C17orf107: variants seen among roughly 807,000 people sequenced by gnomAD.
C17orf107 encodes the protein uncharacterized protein C17orf107.
C17orf107 carries 9 observed loss-of-function variants against 8.9 expected under a neutral mutation model. The observed-to-expected ratio is 1.02, with a 90% CI of 0.61 to 1.77. The LOEUF (loss-of-function observed/expected upper bound fraction) is 1.77, where lower values mean the gene tolerates loss of function less well. C17orf107 is among the 40% of genes most tolerant of loss of function. The pLI is 0.00. For synonymous variants in C17orf107, 139 were observed against 120.3 expected (o/e 1.16, Z -1.02); for missense variants, 281 against 249.0 (o/e 1.13, Z -0.86).
Position 4,900,839 on chromosome 17 carries a change from C to T in C17orf107, c.*306C>T. 1.2e-6 allele frequency: 2 copies of T among 1,614,140 alleles called. No homozygotes were observed. Among genetic ancestry groups the T allele is most frequent in the Non-Finnish European group, 1.7e-6 (2 of 1,180,002 alleles). ...AGAGAAGTCTCTGGGATTTTCTGGGCAATGAGGAACAAGAAGACGGTCTGG... is the reference window on the plus strand; with the variant it reads ...AGAGAAGTCTCTGGGATTTTCTGGGTAATGAGGAACAAGAAGACGGTCTGG... On this transcript the variant is annotated 3_prime_UTR_variant, in exon 3 of 3. Transcript: ENST00000381365.
Position 4,901,964 on chromosome 17 carries a change from G to A in C17orf107, c.*1431G>A, listed in dbSNP as rs751830305. ...TAAGCGAACAGTTCTGCCAATCGAA[G>A]GGGAAGTAGGTGACCTCCACTGCGC... On this transcript the variant is annotated 3_prime_UTR_variant, in exon 3 of 3. Transcript: ENST00000381365. The A allele has an allele frequency of 2.5e-6, 4 of 1,613,640 alleles. No homozygotes were observed. The South Asian group carries it at 3.3e-5, about 13-fold the overall frequency.
In C17orf107 at chr17:4,900,374, T is replaced by G; in HGVS notation, c.414T>G (p.Ala138=). 1 of 1,549,566 alleles carries G rather than the reference T, an allele frequency of 6.5e-7. No individual in the cohort carries two copies. Among genetic ancestry groups the G allele is most frequent in the South Asian group, 1.2e-5 (1 of 84,022 alleles). The part of the protein sequence containing the change: ...AAGQGVRQAG[A]AVGASARLLV... ...GGCAGGGGGTTCGGCAAGCTGGGGC[T>G]GCGGTGGGCGCCAGCGCCCGGCTCC... The change falls in exon 3 of 3, where the codon GCT becomes GCG. Residue 138 remains alanine, a synonymous_variant. Coordinates refer to ENST00000381365, the MANE Select transcript of C17orf107 (RefSeq NM_001145536.2).
chr17:4,900,050 A>G lies in C17orf107; in HGVS notation c.181A>G (p.Met61Val), dbSNP rs886769187. The G allele has an allele frequency of 1.3e-6, 2 of 1,550,096 alleles. No individual in the cohort carries two copies. The highest frequency in any genetic ancestry group is 2.7e-5 in the African/African-American group (2 of 73,038). Residue 61 changes from methionine (M) to valine (V), a missense_variant, in exon 2 of 3, where the codon ATG (methionine) becomes GTG (valine). By Grantham distance (21) the Met-to-Val change is conservative. Transcript: ENST00000381365. ...GTCCCTGGAGCCACCCGAACCGAAG[A>G]TGCAGGGGATGCTGCCTGCCCCGAA... ...LKSLEPPEPK[M>V]QGMLPAPKPT...
At position 4,900,577 on chromosome 17, in the gene C17orf107, C is replaced by G; in HGVS notation, c.*44C>G. The G allele has an allele frequency of 6.5e-7, 1 of 1,548,180 alleles. No homozygotes were observed. The highest frequency in any genetic ancestry group is 8.7e-7 in the Non-Finnish European group (1 of 1,145,536). ...CTAGGGAGGCACTGAGCCGGACTGTCCCCCAAGAGAGCTACTCGGGAGACC... is the reference window on the plus strand; with the variant it reads ...CTAGGGAGGCACTGAGCCGGACTGTGCCCCAAGAGAGCTACTCGGGAGACC... On this transcript the variant is annotated 3_prime_UTR_variant, in exon 3 of 3. Coordinates refer to ENST00000381365, the MANE Select transcript of C17orf107 (RefSeq NM_001145536.2).
downstream of C17orf107, chr17:4,903,062 A>G (rs775162673): frequency 5.0e-6 from 8 of 1,613,692 alleles, no homozygotes; most frequent in African/African-American, 1.3e-5. Flanking sequence ...AGCCCTTGCC[A>G]TCCTGCTGCG....
downstream of C17orf107, among the ~76,000 whole-genome samples, chr17:4,906,506 C>T (rs1970094040): frequency 6.6e-6 from 1 of 152,080 alleles, no homozygotes; most frequent in Non-Finnish European, 1.5e-5. Context: ...ATCTAATAAT[C>T]TGATCAAAAA....
In C17orf107 at chr17:4,900,544, C is replaced by A. The variant is rs1443144091; in HGVS notation, c.*11C>A. ...CACGGGGTGAGTTAGGGGCCAGAGG[C>A]GGCGGGGCTAGGGAGGCACTGAGCC... On this transcript the variant is annotated 3_prime_UTR_variant, in exon 3 of 3. Coordinates refer to ENST00000381365, the MANE Select transcript of C17orf107 (RefSeq NM_001145536.2). 2.6e-6 allele frequency: 4 copies of A among 1,550,370 alleles called. No individual in the cohort carries two copies. The highest frequency in any genetic ancestry group is 3.5e-6 in the Non-Finnish European group (4 of 1,146,928).
chr17:4,903,707 G>C (rs1022008920), downstream of C17orf107, among the ~76,000 whole-genome samples: 1 of 152,080 alleles, frequency 6.6e-6, no homozygotes, highest in Non-Finnish European at 1.5e-5. Flanking sequence ...AGCCCCTCTG[G>C]GTGGGAGACT....
At chr17:4,906,686 GTAAA>G (rs1037703232), downstream of C17orf107, among the ~76,000 whole-genome samples, 1 of 151,858 alleles carries the variant, frequency 6.6e-6, no homozygotes, top group Non-Finnish European at 1.5e-5. Context: ...GACCTCATCT[GTAAA>G]TAAATAAATA....
chr17:4,903,803 T>C (rs3966782), downstream of C17orf107, among the ~76,000 whole-genome samples: 72,686 of 151,836 alleles, frequency 0.48, 19,781 homozygotes, highest in African/African-American at 0.73. Context: ...AACACACACG[T>C]GCACACATAC....
chr17:4,906,622 G>A (rs1468740041), downstream of C17orf107, among the ~76,000 whole-genome samples: 1 of 152,112 alleles, frequency 6.6e-6, no homozygotes, highest in Non-Finnish European at 1.5e-5. Flanking sequence ...GGAGGCTGAG[G>A]TAGGAGAATT....
downstream of C17orf107, among the ~76,000 whole-genome samples, chr17:4,903,452 T>C (rs923844062): frequency 1.3e-5 from 2 of 152,110 alleles, no homozygotes; most frequent in African/African-American, 2.4e-5. Context: ...GATGAACACA[T>C]CTGGGGATGT....
chr17:4,904,752 T>C (rs1970070418), downstream of C17orf107, among the ~76,000 whole-genome samples: 1 of 152,230 alleles, frequency 6.6e-6, no homozygotes, highest in Non-Finnish European at 1.5e-5. Context: ...CCATCACCTT[T>C]GGGTCTCCTT....
At position 4,900,723 on chromosome 17, in the gene C17orf107, G is replaced by A; in HGVS notation, c.*190G>A. 2 of 1,511,200 alleles carry A rather than the reference G, an allele frequency of 1.3e-6. No individual in the cohort carries two copies. Among genetic ancestry groups the A allele is most frequent in the Non-Finnish European group, 1.8e-6 (2 of 1,108,468 alleles). The allele number at this position is 1,511,200 out of a possible 1,614,324, so 93.6% of individuals were successfully genotyped here. On this transcript the variant is annotated 3_prime_UTR_variant, in exon 3 of 3. Transcript: ENST00000381365. ...GGCGAGACAGCCAGAGCTTTTCCCG[G>A]GGTCTCTGGGTTTTGGCCACGCCCC...
Position 4,901,878 on chromosome 17 carries a change from C to A in C17orf107, c.*1345C>A. 2 of 1,475,980 alleles carry A rather than the reference C, an allele frequency of 1.4e-6. No homozygotes were observed. Among genetic ancestry groups the A allele is most frequent in the South Asian group, 1.1e-5 (1 of 88,574 alleles). 91.4% of individuals were successfully genotyped at this position (1,475,980 alleles called of 1,614,324 possible). ...CGGTGCTTCCCGGTTGGCCCCGCCC[C>A]ATAAGGCCCCCCCCCAACAATAATC... On this transcript the variant is annotated 3_prime_UTR_variant, in exon 3 of 3. Transcript: ENST00000381365.
At position 4,901,403 on chromosome 17, in the gene C17orf107, A is replaced by G. The variant is rs539703473; in HGVS notation, c.*870A>G. The G allele has an allele frequency of 3.9e-6, 4 of 1,014,552 alleles. No homozygotes were observed. In the African/African-American group the frequency reaches 4.7e-5, roughly 12 times the overall value. 62.8% of individuals were successfully genotyped at this position (1,014,552 alleles called of 1,614,324 possible). On this transcript the variant is annotated 3_prime_UTR_variant, in exon 3 of 3. Transcript: ENST00000381365. ...TCGAGAATGATTTCAGGACAGGGGT[A>G]AGCTAAACCCAGTTGTGGAAGTCAT...
downstream of C17orf107, among the ~76,000 whole-genome samples, chr17:4,905,682 G>A (rs1250094775): frequency 6.6e-6 from 1 of 152,022 alleles, no homozygotes; most frequent in Non-Finnish European, 1.5e-5. Flanking sequence ...CCAACATGGT[G>A]AAACCCCATC....
chr17:4,901,042 G>C lies in C17orf107; in HGVS notation c.*509G>C. 1 of 1,614,070 alleles carries C rather than the reference G, an allele frequency of 6.2e-7. No homozygotes were observed. Among genetic ancestry groups the C allele is most frequent in the Middle Eastern group, 1.6e-4 (1 of 6,062 alleles). ...GCACCAGGCCCGAGATGAGCACACA[G>C]GGCACGATGATGTTAATGACGTAGA... On this transcript the variant is annotated 3_prime_UTR_variant, in exon 3 of 3. Transcript: ENST00000381365.
downstream of C17orf107, chr17:4,903,196 C>T: frequency 2.2e-6 from 2 of 890,482 alleles, no homozygotes; most frequent in Non-Finnish European, 1.8e-6. Context: ...CTCTGCTCAC[C>T]CCTGCTGCAG....
Sources: allele counts gnomAD v4.1 joint callset (sites outside exome capture counted in the v4.1 genomes callset), GRCh38; gene constraint gnomAD v4.1.1; transcripts MANE v1.5; gene names NCBI Gene and HGNC (gene_info 2026-07-23, HGNC 2026-07-21).